The following TMX4 variants were observed in gnomAD, a reference collection of about 807,000 sequenced individuals.
The protein encoded by TMX4 is thioredoxin related transmembrane protein 4.
Under a neutral mutation model 33.3 loss-of-function variants are expected in TMX4, and 23 were observed. That is an observed-to-expected ratio of 0.69 (90% confidence interval 0.50 to 0.98). The LOEUF (loss-of-function observed/expected upper bound fraction) is 0.98. Ranked by LOEUF, TMX4 falls within the 50% of genes least tolerant of loss-of-function variation. The probability of loss-of-function intolerance (pLI) is 0.00; values close to 1 mark genes in which losing one functional copy is unlikely to be tolerated. For synonymous variants in TMX4, 164 were observed against 161.5 expected (o/e 1.02, Z -0.12); for missense variants, 399 against 448.9 (o/e 0.89, Z 1.01).
At chr20:7,993,430 T>A (rs770475796) in intron 5 of TMX4, among the ~76,000 whole-genome samples, 41 of 151,926 alleles carry the variant, frequency 2.7e-4, no homozygotes, top group Middle Eastern at 3.4e-3. Flanking sequence ...AAAGGAAGAG[T>A]CAGCTAAATG....
Position 8,001,489 on chromosome 20 carries a change from A to T in TMX4, c.338+7T>A. The T allele has an allele frequency of 6.3e-7, 1 of 1,590,488 alleles. No homozygotes were observed. The highest frequency in any genetic ancestry group is 1.7e-5 in the Admixed American group (1 of 58,136). On this transcript the variant is annotated splice_region_variant and intron_variant, in intron 3 of 7. Coordinates refer to ENST00000246024, the MANE Select transcript of TMX4 (RefSeq NM_021156.4). ...ATTTGCAAGATTAGAAGATTATTTA[A>T]ACTTACTGAAAAAATGCTGGGAGAG...
chr20:8,012,556 A>G (rs1475576475), intron 1 of TMX4, among the ~76,000 whole-genome samples: 2 of 152,152 alleles, frequency 1.3e-5, no homozygotes, highest in African/African-American at 4.8e-5. Flanking sequence ...TCAGAGGGAG[A>G]AAGAAGTTAT....
chr20:7,978,761 C>T lies in TMX4; in HGVS notation c.*3490G>A, dbSNP rs1039528417. Reference sequence around the variant, plus strand: ...TCCCTCATCCCATCCAATGACTATACTTCAAAGGGAAAGAAAGATGTGGAT... The same window carrying T: ...TCCCTCATCCCATCCAATGACTATATTTCAAAGGGAAAGAAAGATGTGGAT... On this transcript the variant is annotated 3_prime_UTR_variant, in exon 8 of 8. Coordinates refer to ENST00000246024, the MANE Select transcript of TMX4 (RefSeq NM_021156.4). The T allele has an allele frequency of 6.6e-6, 1 of 152,190 alleles. No homozygotes were observed. Among genetic ancestry groups the T allele is most frequent in the Non-Finnish European group, 1.5e-5 (1 of 68,052 alleles). The allele number at this position is 152,190 out of a possible 1,614,324, so 9.4% of individuals were successfully genotyped here.
At chr20:7,992,698 G>C (rs2050660246) in intron 5 of TMX4, among the ~76,000 whole-genome samples, 1 of 152,052 alleles carries the variant, frequency 6.6e-6, no homozygotes, top group South Asian at 2.1e-4. Flanking sequence ...GAATCTTGAG[G>C]ACCAGCTTTT....
intron 1 of TMX4, among the ~76,000 whole-genome samples, chr20:8,011,526 C>T (rs998215639): frequency 4.7e-5 from 7 of 150,194 alleles, no homozygotes; most frequent in African/African-American, 1.7e-4. Flanking sequence ...TGCTGAATAA[C>T]AAAACAAAAA....
At chr20:8,013,609 T>G (rs538272867) in intron 1 of TMX4, among the ~76,000 whole-genome samples, 4 of 152,354 alleles carry the variant, frequency 2.6e-5, no homozygotes, top group African/African-American at 9.6e-5. Flanking sequence ...GTCCGTGTTT[T>G]GTTGATGGAA....
intron 1 of TMX4, among the ~76,000 whole-genome samples, chr20:8,016,360 A>C (rs1344047342): frequency 2.0e-5 from 3 of 152,194 alleles, no homozygotes; most frequent in Non-Finnish European, 4.4e-5. Context: ...CGACAAAGTG[A>C]GACTCCATCT....
In TMX4 at chr20:7,980,232, T is replaced by TA. The variant is rs755851321; in HGVS notation, c.*2018dup. On this transcript the variant is annotated 3_prime_UTR_variant, in exon 8 of 8. Transcript: ENST00000246024. Reference sequence around the variant, plus strand: ...CCTTCTCTCTAGTCAAATACTCCACTAAAAAAATGAATATTTCAGTTTGAG... The same window carrying TA: ...CCTTCTCTCTAGTCAAATACTCCACTAAAAAAAATGAATATTTCAGTTTGAG... The TA allele has an allele frequency of 2.0e-5, 3 of 152,232 alleles. No individual in the cohort carries two copies. The highest frequency in any genetic ancestry group is 3.9e-4 in the East Asian group (2 of 5,186). 9.4% of individuals were successfully genotyped at this position (152,232 alleles called of 1,614,324 possible).
At chr20:7,987,252 C>A (rs781581493) in intron 6 of TMX4, 36 bp downstream of exon 6, 1 of 1,351,948 alleles carries the variant, frequency 7.4e-7, no homozygotes, top group Non-Finnish European at 1.0e-6. Flanking sequence ...ATTCATTTTG[C>A]CTTAAAGATA....
At chr20:8,009,507 G>T (rs1423609168) in intron 2 of TMX4, among the ~76,000 whole-genome samples, 1 of 152,044 alleles carries the variant, frequency 6.6e-6, no homozygotes, top group Non-Finnish European at 1.5e-5. Context: ...GATACTTAGT[G>T]TCACCACCAT....
chr20:8,005,698 G>A (rs1050277288), intron 2 of TMX4, among the ~76,000 whole-genome samples: 1 of 152,144 alleles, frequency 6.6e-6, no homozygotes. Context: ...ACACACAGCG[G>A]CTGGACATCG....
intron 5 of TMX4, among the ~76,000 whole-genome samples, chr20:7,989,371 C>T (rs189642918): frequency 6.6e-6 from 1 of 152,296 alleles, no homozygotes; most frequent in East Asian, 1.9e-4. Context: ...TCCTTCTATA[C>T]AGTATCTCAT....
chr20:7,978,485 T>C lies in TMX4; in HGVS notation c.*3766A>G, dbSNP rs2050590694. On this transcript the variant is annotated 3_prime_UTR_variant, in exon 8 of 8. Coordinates refer to ENST00000246024, the MANE Select transcript of TMX4 (RefSeq NM_021156.4). ...TTTACAGGATGCAGGTTCTGTAGAC[T>C]GACATATTCCCAAATCATATTAGAA... is the stretch of plus-strand genomic sequence containing the variant. The C allele has an allele frequency of 6.6e-6, 1 of 152,224 alleles. No homozygotes were observed. The highest frequency in any genetic ancestry group is 2.4e-5 in the African/African-American group (1 of 41,460). 9.4% of individuals were successfully genotyped at this position (152,224 alleles called of 1,614,324 possible). A position where few individuals can be genotyped will look rare whatever the true frequency, so the allele number is the denominator to read the frequency against.
chr20:7,987,457 TC>T (rs1304812792), intron 5 of TMX4, 68 bp from the exon 6 acceptor site: 1 of 1,151,774 alleles, frequency 8.7e-7, no homozygotes, highest in African/African-American at 1.6e-5. Flanking sequence ...AATCTCTCTC[TC>T]TAGCTGTTGT....
At chr20:7,989,692 A>G (rs2050646015) in intron 5 of TMX4, among the ~76,000 whole-genome samples, 1 of 152,176 alleles carries the variant, frequency 6.6e-6, no homozygotes, top group Admixed American at 6.5e-5. Context: ...ACTTTGTCTG[A>G]GTCTACAACA....
In TMX4 at chr20:7,983,906, C is replaced by T. The variant is rs757744581; in HGVS notation, c.616-49G>A. 2.8e-6 allele frequency: 4 copies of T among 1,437,902 alleles called. No homozygotes were observed. The South Asian group carries it at 4.7e-5, about 17-fold the overall frequency. The allele number at this position is 1,437,902 out of a possible 1,614,324, so 89.1% of individuals were successfully genotyped here. ...CAGTGAATAGATAGGACATTTATTA[C>T]CAAAGGACCTCAAAATTAGGCCTTG... is the stretch of plus-strand genomic sequence containing the variant. On this transcript the variant is annotated intron_variant, in intron 6 of 7. Transcript: ENST00000246024.
chr20:7,991,561 T>C (rs1568534647), intron 5 of TMX4, among the ~76,000 whole-genome samples: 2 of 152,176 alleles, frequency 1.3e-5, no homozygotes, highest in Non-Finnish European at 1.5e-5. Context: ...ATGGAGCATT[T>C]TGGATTTTGG....
chr20:8,009,861 TAAAAAAAAAAAA>T (rs11289988), intron 2 of TMX4, among the ~76,000 whole-genome samples: 1 of 84,606 alleles, frequency 1.2e-5, no homozygotes, highest in Non-Finnish European at 3.0e-5. Context: ...CAAAAAACTG[TAAAAAAAAAAAA>T]AAAAAAAAAG....
Position 8,001,552 on chromosome 20 carries a change from C to A in TMX4, c.293-11G>T. 6.3e-7 allele frequency: 1 copy of A among 1,596,324 alleles called. No individual in the cohort carries two copies. The highest frequency in any genetic ancestry group is 8.6e-7 in the Non-Finnish European group (1 of 1,169,236). ...AGCGGCCACTCAAACCTACAAGAAG[C>A]ATAAACAGAACAAAAGTTACACTTA... On this transcript the variant is annotated splice_polypyrimidine_tract_variant and intron_variant, in intron 2 of 7. Coordinates refer to ENST00000246024, the MANE Select transcript of TMX4 (RefSeq NM_021156.4).
Sources: gnomAD v4.1 joint callset for allele counts (sites outside exome capture counted in the v4.1 genomes callset) on GRCh38, gnomAD v4.1.1 for gene constraint, MANE v1.5 for transcripts, NCBI Gene and HGNC (gene_info 2026-07-23, HGNC 2026-07-21) for gene names.